The following NEDD8 variants were observed in gnomAD, a reference collection of about 807,000 sequenced individuals.
The protein encoded by NEDD8 is NEDD8 ubiquitin like modifier, also known as ubiquitin-like protein NEDD8.
In NEDD8, 1 loss-of-function variant was observed where a neutral mutation model predicts 13.8. The observed-to-expected ratio is 0.07, with a 90% confidence interval of 0.03 to 0.34. NEDD8 has a LOEUF of 0.34. Among genes scored for constraint, NEDD8 ranks in the 10% least tolerant of loss-of-function variants. The pLI, the probability that NEDD8 is intolerant of heterozygous loss-of-function variation, is 0.99. For synonymous variants in NEDD8, 31 were observed against 33.2 expected, an observed-to-expected ratio of 0.93 and a Z score of 0.23; for missense variants, 10 against 95.2, an observed-to-expected ratio of 0.10 and a Z score of 3.73.
chr14:24,231,823 G>T (rs17102177), intron 1 of NEDD8: 3,332 of 176,020 alleles, frequency 0.019, 117 homozygotes, highest in African/African-American at 0.075. Flanking sequence ...TTTTAGGGCT[G>T]TGCTCGGAGG....
intron 1 of NEDD8, among the ~76,000 whole-genome samples, chr14:24,224,680 C>A (rs1594488925): frequency 2.0e-5 from 3 of 152,216 alleles, no homozygotes; most frequent in East Asian, 3.9e-4. Flanking sequence ...CAGCTTGTAA[C>A]CCCCAATGAA....
chr14:24,226,268 G>A (rs899825963), intron 1 of NEDD8, among the ~76,000 whole-genome samples: 1 of 151,974 alleles, frequency 6.6e-6, no homozygotes, highest in Non-Finnish European at 1.5e-5. Flanking sequence ...GAGGCAGGTG[G>A]ATCACTTGAG....
At chr14:24,225,697 T>G (rs777708860) in intron 1 of NEDD8, among the ~76,000 whole-genome samples, 53 of 152,210 alleles carry the variant, frequency 3.5e-4, no homozygotes, top group Non-Finnish European at 7.2e-4. Context: ...ATTCTTGATA[T>G]ATCACACTGT....
chr14:24,221,853 C>G (rs916772276), intron 1 of NEDD8, among the ~76,000 whole-genome samples: 2 of 152,146 alleles, frequency 1.3e-5, no homozygotes, highest in Non-Finnish European at 2.9e-5. Context: ...GCCTCGGCCT[C>G]CCAAAGTGCT....
intron 1 of NEDD8, among the ~76,000 whole-genome samples, chr14:24,229,200 A>AT (rs1177677488): frequency 2.6e-5 from 4 of 152,058 alleles, no homozygotes; most frequent in Non-Finnish European, 5.9e-5. Context: ...CACAGCATTG[A>AT]TTTTTTTGTT....
chr14:24,222,877 G>T (rs1300987459), intron 1 of NEDD8, among the ~76,000 whole-genome samples: 1 of 152,042 alleles, frequency 6.6e-6, no homozygotes, highest in East Asian at 1.9e-4. Flanking sequence ...CACGAGGTCA[G>T]GAGTTTGAGA....
In NEDD8 at chr14:24,216,944, T is replaced by A. The variant is rs896027067; in HGVS notation, c.*183A>T. 1.2e-5 allele frequency: 7 copies of A among 590,508 alleles called. No individual in the cohort carries two copies. Among genetic ancestry groups the A allele is most frequent in the African/African-American group, 1.1e-4 (6 of 53,334 alleles). The allele number at this position is 590,508 out of a possible 1,614,324, so 36.6% of individuals were successfully genotyped here. A position where few individuals can be genotyped will look rare whatever the true frequency, so the allele number is the denominator to read the frequency against. ...CACAGGACTGCAAACTAACACCCAGTAGCCAGCAAGGGCCCTCTGGGCCAG... is the reference window on the plus strand; with the variant it reads ...CACAGGACTGCAAACTAACACCCAGAAGCCAGCAAGGGCCCTCTGGGCCAG... On this transcript the variant is annotated 3_prime_UTR_variant, in exon 4 of 4. Transcript: ENST00000250495.
intron 1 of NEDD8, among the ~76,000 whole-genome samples, chr14:24,229,383 C>A (rs1289033032): frequency 6.6e-6 from 1 of 152,158 alleles, no homozygotes; most frequent in East Asian, 1.9e-4. Flanking sequence ...CCACACTCGG[C>A]TAATTTTTGT....
intron 1 of NEDD8, 99 bp downstream of exon 1, chr14:24,232,151 G>C: frequency 6.3e-7 from 1 of 1,591,186 alleles, no homozygotes; most frequent in South Asian, 1.1e-5. Context: ...GCGTCCTCCA[G>C]GCTAGGGAAA....
chr14:24,232,183 G>C (rs1594504678), intron 1 of NEDD8, 67 bp downstream of exon 1: 5 of 1,609,600 alleles, frequency 3.1e-6, no homozygotes, highest in Non-Finnish European at 4.2e-6. Context: ...CCTTCCCCAC[G>C]TCTCCCGTAA....
chr14:24,220,889 T>C (rs2138886366), intron 1 of NEDD8, among the ~76,000 whole-genome samples: 1 of 152,308 alleles, frequency 6.6e-6, no homozygotes, highest in East Asian at 1.9e-4. Flanking sequence ...ACTCCTATAG[T>C]AGCTCACAAA....
chr14:24,229,642 T>G (rs1489648414), intron 1 of NEDD8, among the ~76,000 whole-genome samples: 1 of 152,238 alleles, frequency 6.6e-6, no homozygotes, highest in Non-Finnish European at 1.5e-5. Context: ...AGCAAAGTTT[T>G]TGTGCCTTAT....
chr14:24,228,054 C>A (rs1241308263), intron 1 of NEDD8: 2 of 151,410 alleles, frequency 1.3e-5, no homozygotes, highest in African/African-American at 2.4e-5. Context: ...CGAGATCATA[C>A]CACTGCACTC....
chr14:24,219,621 T>C (rs1393207261), intron 1 of NEDD8, among the ~76,000 whole-genome samples: 1 of 152,152 alleles, frequency 6.6e-6, no homozygotes, highest in Non-Finnish European at 1.5e-5. Context: ...AGTTAAGGGC[T>C]GGTGATATCC....
rs551919739 is a variant in NEDD8, at chr14:24,219,703, G to C, written c.19-1272C>G. Among the ~76,000 whole-genome samples the C allele has an allele frequency of 7.7e-4, 117 of 152,024 alleles. 5 individuals carry two copies. Among genetic ancestry groups the C allele is most frequent in the Non-Finnish European group, 6.5e-4 (44 of 68,024 alleles). On this transcript the variant is annotated intron_variant, in intron 1 of 3. Coordinates refer to ENST00000250495, the MANE Select transcript of NEDD8 (RefSeq NM_006156.3). ...CTCCCATCTGTCCTTGCTCTTAATA[G>C]CTCTATCTGTATTAGTCTACAGTGA...
intron 1 of NEDD8, among the ~76,000 whole-genome samples, chr14:24,225,484 G>T (rs1420352834): frequency 1.3e-5 from 2 of 152,104 alleles, no homozygotes; most frequent in African/African-American, 4.8e-5. Context: ...AAATATGTAG[G>T]AATAACATAT....
intron 1 of NEDD8, among the ~76,000 whole-genome samples, chr14:24,226,320 T>C (rs1376006790): frequency 1.3e-5 from 2 of 151,512 alleles, no homozygotes; most frequent in Non-Finnish European, 2.9e-5. Context: ...GGCAAAACCC[T>C]GTCTCTACCA....
chr14:24,218,291 G>A, intron 2 of NEDD8, 76 bp from the exon 3 acceptor site: 1 of 1,613,800 alleles, frequency 6.2e-7, no homozygotes, highest in Non-Finnish European at 8.5e-7. Flanking sequence ...GGGCTATGCA[G>A]ACAGCATGAG....
chr14:24,226,368 G>A (rs1355237051), intron 1 of NEDD8, among the ~76,000 whole-genome samples: 1 of 146,722 alleles, frequency 6.8e-6, no homozygotes, highest in Non-Finnish European at 1.5e-5. Flanking sequence ...GTGGACGCTT[G>A]AACGAAGGTG....
Sources: allele counts gnomAD v4.1 joint callset (sites outside exome capture counted in the v4.1 genomes callset), GRCh38; gene constraint gnomAD v4.1.1; transcripts MANE v1.5; gene names NCBI Gene and HGNC (gene_info 2026-07-23, HGNC 2026-07-21).